ZNF30: variants seen among roughly 807,000 people sequenced by gnomAD.
ZNF30 encodes zinc finger protein 30.
ZNF30 carries 15 observed loss-of-function variants against 13.2 expected under a neutral mutation model. That is an observed-to-expected ratio of 1.13 (90% CI 0.76 to 1.75). The LOEUF is 1.75. ZNF30 is among the 40% of genes most tolerant of loss of function. ZNF30 has a pLI of 0.00. For missense variants in ZNF30, 726 were observed against 757.0 expected, an observed-to-expected ratio of 0.96 and a Z score of 0.48; for synonymous variants, 223 against 256.6, an observed-to-expected ratio of 0.87 and a Z score of 1.25.
upstream of ZNF30, chr19:34,926,797 A>G: frequency 2.5e-6 from 1 of 395,832 alleles, no homozygotes; most frequent in East Asian, 3.6e-5. Flanking sequence ...CAGGTGTCAG[A>G]CGCCCCAGCT....
chr19:34,931,957 G>A lies in ZNF30; in HGVS notation c.124G>A (p.Val42Met). 6.2e-7 allele frequency: 1 copy of A among 1,604,318 alleles called. No homozygotes were observed. Among genetic ancestry groups the A allele is most frequent in the East Asian group, 2.2e-5 (1 of 44,484 alleles). The change falls in exon 3 of 5, where the codon GTG (valine) becomes ATG (methionine). Residue 42 changes from valine to methionine, a missense_variant. Val to Met is a conservative substitution (Grantham distance 21). Transcript: ENST00000601142. Reference sequence around the variant, plus strand: ...TTCCCAGAGGGGCTTGTACAGAGATGTGATGTTGGAGAACTACAGGAACTT... The same window carrying A: ...TTCCCAGAGGGGCTTGTACAGAGATATGATGTTGGAGAACTACAGGAACTT... Reference protein sequence around the residue: ...DSSQRGLYRDVMLENYRNLVS... With the variant: ...DSSQRGLYRDMMLENYRNLVS...
At chr19:34,939,956 G>A (rs1426057824) in intron 4 of ZNF30, among the ~76,000 whole-genome samples, 1 of 152,182 alleles carries the variant, frequency 6.6e-6, no homozygotes, top group Non-Finnish European at 1.5e-5. Flanking sequence ...ATAAAAAGGT[G>A]TAGTAGAGCC....
At position 34,944,766 on chromosome 19, in the gene ZNF30, A is replaced by G. The variant is rs765736617; in HGVS notation, c.1800A>G (p.Lys600=). Residue 600 remains lysine, a synonymous_variant, in exon 5 of 5, where the codon AAA becomes AAG. Transcript: ENST00000601142. ...HTGEKPFKCK[K]CGKTFRYSSA... is the part of the protein sequence containing the mutation. ...GTGAGAAACCCTTTAAATGCAAAAA[A>G]TGTGGGAAGACCTTTAGATACAGTT... 4 of 1,613,802 alleles carry G rather than the reference A, an allele frequency of 2.5e-6. No homozygotes were observed. In the Admixed American group the frequency reaches 6.7e-5, roughly 27 times the overall value.
intron 3 of ZNF30, 60 bp downstream of exon 3, chr19:34,932,053 A>G: frequency 1.3e-5 from 19 of 1,428,854 alleles, no homozygotes; most frequent in Non-Finnish European, 1.8e-5. Flanking sequence ...TCTCCTTTGC[A>G]GATTTTAGGG....
At chr19:34,942,010 A>G (rs929664737) in intron 4 of ZNF30, among the ~76,000 whole-genome samples, 50 of 152,178 alleles carry the variant, frequency 3.3e-4, no homozygotes, top group Non-Finnish European at 6.6e-4. Flanking sequence ...AATCTGTGTG[A>G]TCTTAGTTTA....
Position 34,944,377 on chromosome 19 carries a change from C to T in ZNF30, c.1411C>T (p.Leu471Phe). Reference protein sequence around the residue: ...CGKAFRVHVHLTQHRKIHTDV... With the variant: ...CGKAFRVHVHFTQHRKIHTDV... The stretch of plus-strand genomic sequence containing the variant: ...CAAGGCCTTCAGAGTGCACGTACAT[C>T]TCACACAGCATCGGAAAATTCATAC... Residue 471 changes from leucine (L) to phenylalanine (F), a missense_variant, in exon 5 of 5, where the codon CTC (leucine) becomes TTC (phenylalanine). Leu to Phe is a conservative substitution (Grantham distance 22). Coordinates refer to ENST00000601142, the MANE Select transcript of ZNF30 (RefSeq NM_194325.3). 1 of 1,614,210 alleles carries T rather than the reference C, an allele frequency of 6.2e-7. No individual in the cohort carries two copies. Among genetic ancestry groups the T allele is most frequent in the African/African-American group, 1.3e-5 (1 of 75,048 alleles).
At position 34,944,198 on chromosome 19, in the gene ZNF30, C is replaced by G. The variant is rs761875486; in HGVS notation, c.1232C>G (p.Thr411Ser). Residue 411 changes from threonine (T) to serine (S), a missense_variant, in exon 5 of 5, where the codon ACT (threonine) becomes AGT (serine). Transcript: ENST00000601142. ...AAGGAGTGTGGCAAGGCCTTTAGTACTGGCTCATACCTTGTTCAGCATCAG... is the reference window on the plus strand; with the variant it reads ...AAGGAGTGTGGCAAGGCCTTTAGTAGTGGCTCATACCTTGTTCAGCATCAG... The part of the protein sequence containing the change: ...ECKECGKAFS[T>S]GSYLVQHQRI... 6 of 1,613,048 alleles carry G rather than the reference C, an allele frequency of 3.7e-6. No individual in the cohort carries two copies. Among genetic ancestry groups the G allele is most frequent in the Non-Finnish European group, 2.5e-6 (3 of 1,179,228 alleles).
intron 3 of ZNF30, among the ~76,000 whole-genome samples, chr19:34,932,481 G>A (rs1450181403): frequency 1.3e-5 from 2 of 152,078 alleles, no homozygotes; most frequent in African/African-American, 4.8e-5. Flanking sequence ...AGATGTCTAA[G>A]CAGACTTTGT....
At chr19:34,942,656 T>C in intron 4 of ZNF30, 1 of 1,288,984 alleles carries the variant, frequency 7.8e-7, no homozygotes, top group South Asian at 1.2e-5. Flanking sequence ...TGATGCCACC[T>C]GCACATGGAA....
Position 34,944,785 on chromosome 19 carries a change from T to TACAGTTCAGCCCTTAAAGTGCATCTGA in ZNF30, c.1820_1846dup (p.Leu615_Arg616insAsnSerSerAlaLeuLysValHisLeu). On this transcript the variant is annotated inframe_insertion, in exon 5 of 5. Transcript: ENST00000601142. ...CAAAAAATGTGGGAAGACCTTTAGA[T>TACAGTTCAGCCCTTAAAGTGCATCTGA]ACAGTTCAGCCCTTAAAGTGCATCT... 6.2e-7 allele frequency: 1 copy of TACAGTTCAGCCCTTAAAGTGCATCTGA among 1,613,288 alleles called. No individual in the cohort carries two copies. Among genetic ancestry groups the TACAGTTCAGCCCTTAAAGTGCATCTGA allele is most frequent in the Non-Finnish European group, 8.5e-7 (1 of 1,179,416 alleles).
At chr19:34,939,143 TCC>T (rs138607148) in intron 4 of ZNF30, among the ~76,000 whole-genome samples, 2,086 of 32,980 alleles carry the variant, frequency 0.063, 64 homozygotes, top group Middle Eastern at 0.14. Context: ...TCCCCTCCCC[TCC>T]CCTCCCCTCC....
chr19:34,943,566 T>C lies in ZNF30; in HGVS notation c.600T>C (p.Gly200=), dbSNP rs975608040. 6.2e-7 allele frequency: 1 copy of C among 1,613,312 alleles called. No individual in the cohort carries two copies. Among genetic ancestry groups the C allele is most frequent in the African/African-American group, 1.3e-5 (1 of 74,826 alleles). The change falls in exon 5 of 5, where the codon GGT becomes GGC. Residue 200 remains glycine (G), a synonymous_variant. Transcript: ENST00000601142. The part of the protein sequence containing the change: ...AFVKHGRIHT[G]EKPLKCKQCG... The stretch of plus-strand genomic sequence containing the variant: ...TTAAGCATGGGAGAATTCACACTGG[T>C]GAGAAGCCACTCAAATGTAAGCAAT...
Position 34,943,343 on chromosome 19 carries a change from G to C in ZNF30, c.377G>C (p.Gly126Ala). 6.2e-7 allele frequency: 1 copy of C among 1,613,944 alleles called. No individual in the cohort carries two copies. The highest frequency in any genetic ancestry group is 8.5e-7 in the Non-Finnish European group (1 of 1,179,880). ...RQKPRECQEY[G>A]KTLCQDSKPV... is the part of the protein sequence containing the mutation. ...AAACCACGTGAATGTCAGGAATATG[G>C]AAAGACCCTTTGTCAAGACTCAAAG... Residue 126 changes from glycine (G) to alanine (A), a missense_variant, in exon 5 of 5, where the codon GGA becomes GCA. Gly to Ala is a moderately conservative substitution (Grantham distance 60). Transcript: ENST00000601142.
In ZNF30 at chr19:34,943,308, A is replaced by G. The variant is rs1490375156; in HGVS notation, c.342A>G (p.Ile114Met). The change falls in exon 5 of 5, where the codon ATA becomes ATG. Residue 114 changes from isoleucine to methionine, a missense_variant. Transcript: ENST00000601142. ...NCPSFALHQK[I>M]SRQKPRECQE... ...CATCTTTTGCTCTACATCAGAAAAT[A>G]AGTAGACAGAAACCACGTGAATGTC... 6.2e-7 allele frequency: 1 copy of G among 1,613,984 alleles called. No homozygotes were observed. The highest frequency in any genetic ancestry group is 1.7e-5 in the Admixed American group (1 of 60,024).
At chr19:34,925,126 T>C (rs2012019009), upstream of ZNF30, among the ~76,000 whole-genome samples, 1 of 148,544 alleles carries the variant, frequency 6.7e-6, no homozygotes. Flanking sequence ...GCTGTGGGGC[T>C]CTGACCCCAT....
At chr19:34,929,831 T>C (rs1377175279) in intron 1 of ZNF30, 53 bp from the exon 2 acceptor site, 2 of 912,346 alleles carry the variant, frequency 2.2e-6, no homozygotes, top group Non-Finnish European at 3.3e-6. Flanking sequence ...GGTTTATTAA[T>C]GTATGTCATT....
intron 4 of ZNF30, 119 bp from the exon 5 acceptor site, chr19:34,943,104 G>A: frequency 1.6e-6 from 1 of 643,638 alleles, no homozygotes; most frequent in Non-Finnish European, 2.4e-6. Flanking sequence ...TTTCATAATG[G>A]TGTTTTAATA....
Position 34,927,106 on chromosome 19 carries a change from C to T in ZNF30, c.-175C>T. 5.0e-6 allele frequency: 2 copies of T among 398,054 alleles called. No homozygotes were observed. The highest frequency in any genetic ancestry group is 3.6e-5 in the East Asian group (1 of 28,046). 24.7% of individuals were successfully genotyped at this position (398,054 alleles called of 1,614,324 possible). On this transcript the variant is annotated 5_prime_UTR_variant, in exon 1 of 5. Transcript: ENST00000601142. ...AGTTCATCGAGGGAGAAGTCAGCGCCCAGCTCCGAGGTTGGAGCAGCCCCG... is the reference window on the plus strand; with the variant it reads ...AGTTCATCGAGGGAGAAGTCAGCGCTCAGCTCCGAGGTTGGAGCAGCCCCG...
At chr19:34,931,043 T>C (rs1261974640) in intron 2 of ZNF30, among the ~76,000 whole-genome samples, 1 of 147,252 alleles carries the variant, frequency 6.8e-6, no homozygotes. Flanking sequence ...TTTTTTCTTT[T>C]TTTTTTTTTT....
Sources: gnomAD v4.1 joint callset for allele counts (sites outside exome capture counted in the v4.1 genomes callset) on GRCh38, gnomAD v4.1.1 for gene constraint, MANE v1.5 for transcripts, NCBI Gene and HGNC (gene_info 2026-07-23, HGNC 2026-07-21) for gene names.